Variants in ARHGAP22 observed in about 807,000 individuals in gnomAD.
The protein encoded by ARHGAP22 is Rho GTPase activating protein 22.
Under a neutral mutation model 59.1 loss-of-function variants are expected in ARHGAP22, and 48 were observed. That is an observed-to-expected ratio of 0.81 (90% confidence interval 0.64 to 1.03). The LOEUF (loss-of-function observed/expected upper bound fraction) is 1.03. Among genes scored for constraint, ARHGAP22 ranks in the 50% least tolerant of loss-of-function variants. The pLI is 0.00. For synonymous variants in ARHGAP22, 445 were observed against 416.4 expected (o/e 1.07, Z -0.84); for missense variants, 1,015 against 958.7 (o/e 1.06, Z -0.78).
chr10:48,632,393 T>C (rs1371624033), intron 1 of ARHGAP22, among the ~76,000 whole-genome samples: 2 of 152,236 alleles, frequency 1.3e-5, no homozygotes, highest in Admixed American at 6.5e-5. Flanking sequence ...AGTTTTAATG[T>C]ACAAACTATT....
intron 3 of ARHGAP22, chr10:48,523,986 C>T: frequency 7.2e-7 from 1 of 1,397,238 alleles, no homozygotes; most frequent in African/African-American, 1.5e-5. Flanking sequence ...GGCGAGTCCC[C>T]GAGGCGGGGC....
In ARHGAP22 at chr10:48,463,498, C is replaced by T. The variant is rs140577231; in HGVS notation, c.452-3607G>A. Among the ~76,000 whole-genome samples the T allele has an allele frequency of 2.2e-3, 336 of 152,278 alleles. 2 individuals carry two copies. Among genetic ancestry groups the T allele is most frequent in the African/African-American group, 7.5e-3 (313 of 41,540 alleles). ...ACCTGGCAGTGCCCCTGGTGCCTGC[C>T]GCCTGCCTCCTGCCTCCCTCCCCTT... On this transcript the variant is annotated intron_variant, in intron 4 of 9. Coordinates refer to ENST00000249601, the MANE Select transcript of ARHGAP22 (RefSeq NM_021226.4).
At chr10:48,546,120 C>T (rs570648367) in intron 3 of ARHGAP22, among the ~76,000 whole-genome samples, 7 of 152,310 alleles carry the variant, frequency 4.6e-5, no homozygotes, top group African/African-American at 1.4e-4. Flanking sequence ...TGTAAATGCA[C>T]GAAAGACTCA....
At chr10:48,445,012 G>A (rs1470130109), downstream of ARHGAP22, 1 of 152,300 alleles carries the variant, frequency 6.6e-6, no homozygotes, top group Non-Finnish European at 1.5e-5. Context: ...TGAGGGCCCT[G>A]AGCAGGTGCC....
intron 3 of ARHGAP22, among the ~76,000 whole-genome samples, chr10:48,547,530 C>T (rs774985496): frequency 1.3e-5 from 2 of 152,236 alleles, no homozygotes; most frequent in Non-Finnish European, 1.5e-5. Flanking sequence ...TGACCCTGAT[C>T]TTGAGAAATA....
At position 48,516,618 on chromosome 10, in the gene ARHGAP22, G is replaced by A. The variant is rs566126275; in HGVS notation, c.323-36854C>T. 7.2e-5 allele frequency among the ~76,000 whole-genome samples: 11 copies of A among 152,176 alleles called. No homozygotes were observed. In the South Asian group the frequency reaches 2.3e-3, roughly 32 times the overall value. Reference sequence around the variant, plus strand: ...ATAAAGGAGACAAATTCCTAGAAAGGCACAAACTACCAAAACCAACTCAAA... The same window carrying A: ...ATAAAGGAGACAAATTCCTAGAAAGACACAAACTACCAAAACCAACTCAAA... On this transcript the variant is annotated intron_variant, in intron 3 of 9. Coordinates refer to ENST00000249601, the MANE Select transcript of ARHGAP22 (RefSeq NM_021226.4).
intron 4 of ARHGAP22, among the ~76,000 whole-genome samples, chr10:48,465,597 A>C (rs2047581175): frequency 6.6e-6 from 1 of 152,182 alleles, no homozygotes; most frequent in African/African-American, 2.4e-5. Context: ...TCCCACCCCG[A>C]AGGCCGCATC....
chr10:48,523,595 A>G (rs1359704753), intron 3 of ARHGAP22, among the ~76,000 whole-genome samples: 1 of 152,160 alleles, frequency 6.6e-6, no homozygotes, highest in Non-Finnish European at 1.5e-5. Context: ...GGCGGGCGAG[A>G]ATGAATGGTC....
intron 8 of ARHGAP22, chr10:48,451,617 G>GGCACACACATACAATT: frequency 1.4e-6 from 1 of 695,718 alleles, no homozygotes; most frequent in Non-Finnish European, 2.6e-6. Context: ...CCTGTGTGGG[G>GGCACACACATACAATT]GCACACACAT....
intron 5 of ARHGAP22, among the ~76,000 whole-genome samples, chr10:48,456,522 C>T (rs370566273): frequency 6.6e-5 from 10 of 152,196 alleles, no homozygotes; most frequent in Non-Finnish European, 1.0e-4. Flanking sequence ...TTGAGCCCAG[C>T]GGCCCCTTCC....
chr10:48,435,053 G>GT, the ARHGAP22 span: 26 of 1,095,448 alleles, frequency 2.4e-5, no homozygotes, highest in South Asian at 3.0e-5. Flanking sequence ...CGGGGGGTGG[G>GT]AGGGATGGGG....
At chr10:48,454,226 A>C in intron 6 of ARHGAP22, 65 bp from the exon 7 acceptor site, 5 of 1,103,488 alleles carry the variant, frequency 4.5e-6, no homozygotes, top group Non-Finnish European at 6.8e-6. Flanking sequence ...TCTGACTGCG[A>C]GGAGGGGTGG....
intron 4 of ARHGAP22, among the ~76,000 whole-genome samples, chr10:48,476,043 C>A (rs1296613301): frequency 6.6e-6 from 1 of 152,222 alleles, no homozygotes; most frequent in East Asian, 1.9e-4. Flanking sequence ...CCCCTCCCTG[C>A]CTCTTCTGTC....
At chr10:48,448,604 C>T in intron 9 of ARHGAP22, among the ~76,000 whole-genome samples, 1 of 128,984 alleles carries the variant, frequency 7.8e-6, no homozygotes. Flanking sequence ...ACCCCACCCC[C>T]CACCCGATGG....
At chr10:48,645,911 T>C (rs1443701083) in intron 1 of ARHGAP22, among the ~76,000 whole-genome samples, 2 of 152,126 alleles carry the variant, frequency 1.3e-5, no homozygotes, top group Non-Finnish European at 2.9e-5. Flanking sequence ...AGAAAATCTG[T>C]CTTTATTTGC....
rs1393444718 is a variant in ARHGAP22 at position 48,450,399 on chromosome 10, G to C, written c.1730C>G (p.Ala577Gly). 6.4e-7 allele frequency: 1 copy of C among 1,569,852 alleles called. No homozygotes were observed. Among genetic ancestry groups the C allele is most frequent in the South Asian group, 1.2e-5 (1 of 86,018 alleles). ...DHSMDEAGAG[A>G]SNSEPSEPDS... Reference sequence around the variant, plus strand: ...CGGCTCGCTGGGCTCGCTGTTGCTGGCACCCGCGCCCGCCTCGTCCATGCT... The same window carrying C: ...CGGCTCGCTGGGCTCGCTGTTGCTGCCACCCGCGCCCGCCTCGTCCATGCT... The change falls in exon 9 of 10, where the codon GCC (alanine) becomes GGC (glycine). Residue 577 changes from alanine (A) to glycine (G), a missense_variant. By Grantham distance (60) the Ala-to-Gly change is moderately conservative (BLOSUM62 0). Transcript: ENST00000249601.
At chr10:48,486,976 T>C (rs753909496) in intron 3 of ARHGAP22, among the ~76,000 whole-genome samples, 6 of 152,244 alleles carry the variant, frequency 3.9e-5, no homozygotes, top group Non-Finnish European at 5.9e-5. Context: ...GTTTTGTGTC[T>C]TTTTTACTGT....
At chr10:48,523,654 C>G (rs1020035040) in intron 3 of ARHGAP22, among the ~76,000 whole-genome samples, 3 of 151,872 alleles carry the variant, frequency 2.0e-5, no homozygotes, top group Non-Finnish European at 4.4e-5. Flanking sequence ...GCGCGCCGGG[C>G]TCGCGGTGCA....
At chr10:48,651,876 G>C (rs906768076) in intron 1 of ARHGAP22, among the ~76,000 whole-genome samples, 1 of 152,100 alleles carries the variant, frequency 6.6e-6, no homozygotes, top group Non-Finnish European at 1.5e-5. Context: ...CAGAGATGCA[G>C]AGTAGCCTTC....
Sources: allele counts gnomAD v4.1 joint callset (sites outside exome capture counted in the v4.1 genomes callset), GRCh38; gene constraint gnomAD v4.1.1; transcripts MANE v1.5; gene names NCBI Gene and HGNC (gene_info 2026-07-23, HGNC 2026-07-21).